Variants in BCAS3 observed in about 807,000 individuals in gnomAD.
The protein encoded by BCAS3 is BCAS3 microtubule associated cell migration factor, also known as BCAS4/BCAS3 fusion.
Under a neutral mutation model 116.1 loss-of-function variants are expected in BCAS3, and 53 were observed. That is an observed-to-expected ratio of 0.46 (90% confidence interval 0.37 to 0.57). The LOEUF is 0.57. BCAS3 is among the 20% of genes least tolerant of loss of function. The pLI, the probability that BCAS3 is intolerant of heterozygous loss-of-function variation, is 0.00. For synonymous variants in BCAS3, 391 were observed against 408.2 expected, an observed-to-expected ratio of 0.96 and a Z score of 0.51; for missense variants, 917 against 1,165.4, an observed-to-expected ratio of 0.79 and a Z score of 3.10.
chr17:60,907,123 G>T (rs1403814580), intron 11 of BCAS3, among the ~76,000 whole-genome samples: 1 of 151,940 alleles, frequency 6.6e-6, no homozygotes, highest in Non-Finnish European at 1.5e-5. Context: ...TACATTTTCT[G>T]CATTTCCAAA....
At chr17:61,358,500 A>T (rs61314797) in intron 22 of BCAS3, among the ~76,000 whole-genome samples, 9 of 130,896 alleles carry the variant, frequency 6.9e-5, no homozygotes, top group African/African-American at 5.7e-5. Flanking sequence ...CACGTTTTTA[A>T]TTTTTTTTTT....
At chr17:60,996,169 G>A (rs561020466) in intron 15 of BCAS3, among the ~76,000 whole-genome samples, 4 of 152,096 alleles carry the variant, frequency 2.6e-5, no homozygotes, top group Non-Finnish European at 4.4e-5. Flanking sequence ...GCTCTGGAGG[G>A]CATTGAGAAT....
chr17:61,037,637 TG>T lies in BCAS3; in HGVS notation c.1763-251del, dbSNP rs1332302380. ...AAATACAAAAATTAGCCGGGTGTGG[TG>T]ACAGGAGCCTGTAATCCCAGCTACT... is the stretch of plus-strand genomic sequence containing the variant. On this transcript the variant is annotated intron_variant, in intron 17 of 23. Transcript: ENST00000407086. The surrounding 1 kb of genome is among the most constrained non-coding windows in gnomAD (Gnocchi z 4.7). 3.9e-5 allele frequency among the ~76,000 whole-genome samples: 6 copies of T among 152,086 alleles called. No individual in the cohort carries two copies. The highest frequency in any genetic ancestry group is 1.4e-4 in the African/African-American group (6 of 41,388).
At position 60,850,767 on chromosome 17, in the gene BCAS3, A is replaced by G. The variant is rs188826947; in HGVS notation, c.477-17809A>G. Among the ~76,000 whole-genome samples, 5 of 152,214 alleles carry G rather than the reference A, an allele frequency of 3.3e-5. No homozygotes were observed. In the East Asian group the frequency reaches 9.7e-4, roughly 29 times the overall value. On this transcript the variant is annotated intron_variant, in intron 7 of 23. Coordinates refer to ENST00000407086, the MANE Select transcript of BCAS3 (RefSeq NM_017679.5). ...TCATTTCTTTTTGTTGCTGAATAATACTTTTATTAGCAACAAAGAATGAAA... is the reference window on the plus strand; with the variant it reads ...TCATTTCTTTTTGTTGCTGAATAATGCTTTTATTAGCAACAAAGAATGAAA...
chr17:61,368,562 T>G lies in BCAS3; in HGVS notation c.2593+68T>G. The G allele has an allele frequency of 6.8e-7, 1 of 1,477,374 alleles. No individual in the cohort carries two copies. Among genetic ancestry groups the G allele is most frequent in the Non-Finnish European group, 9.1e-7 (1 of 1,099,400 alleles). The allele number at this position is 1,477,374 out of a possible 1,614,324, so 91.5% of individuals were successfully genotyped here. Reference sequence around the variant, plus strand: ...AGCACCTGTTGGTGCAGAGCTTCTCTGGAATCGTTTGTGGGCATATGTTTG... The same window carrying G: ...AGCACCTGTTGGTGCAGAGCTTCTCGGGAATCGTTTGTGGGCATATGTTTG... On this transcript the variant is annotated intron_variant, in intron 23 of 23. Coordinates refer to ENST00000407086, the MANE Select transcript of BCAS3 (RefSeq NM_017679.5). This position sits in a 1 kb window ranked among gnomAD's most constrained non-coding sequence, Gnocchi z 6.0.
intron 14 of BCAS3, among the ~76,000 whole-genome samples, chr17:60,947,877 A>T (rs1278886379): frequency 1.3e-5 from 2 of 152,142 alleles, no homozygotes; most frequent in African/African-American, 4.8e-5. Flanking sequence ...ATTGCGTGAA[A>T]TCACCCATGT....
intron 11 of BCAS3, among the ~76,000 whole-genome samples, chr17:60,905,571 T>C (rs2058144954): frequency 6.6e-6 from 1 of 152,202 alleles, no homozygotes. Flanking sequence ...CCATTTCTCT[T>C]GTGTGTTGTT....
chr17:60,990,227 C>T lies in BCAS3; in HGVS notation c.1478C>T (p.Pro493Leu). 6.2e-7 allele frequency: 1 copy of T among 1,612,648 alleles called. No individual in the cohort carries two copies. The highest frequency in any genetic ancestry group is 8.5e-7 in the Non-Finnish European group (1 of 1,178,806). Residue 493 changes from proline (P) to leucine (L), a missense_variant, in exon 15 of 24, where the codon CCC becomes CTC. By Grantham distance (98) the Pro-to-Leu change is moderately conservative. This residue lies in a region of BCAS3 where 807 missense variants were observed against 1,026.0 expected (regional missense o/e 0.79). Coordinates refer to ENST00000407086, the MANE Select transcript of BCAS3 (RefSeq NM_017679.5). The surrounding 1 kb of genome is among the most constrained non-coding windows in gnomAD (Gnocchi z 5.1). ...PGLSSSPSGS[P>L]LHGKLNSQDS... ...CTATCAAGCAGCCCTTCTGGGTCAC[C>T]CTTGCATGGTAATTTTCTCTGTCTC...
chr17:61,353,156 T>A (rs2057951593), intron 22 of BCAS3, among the ~76,000 whole-genome samples: 1 of 152,194 alleles, frequency 6.6e-6, no homozygotes, highest in African/African-American at 2.4e-5. Flanking sequence ...CTCCTGCTTC[T>A]GTCACAGGCC....
At chr17:60,902,965 G>T (rs2057991944) in intron 11 of BCAS3, among the ~76,000 whole-genome samples, 1 of 152,120 alleles carries the variant, frequency 6.6e-6, no homozygotes, top group Non-Finnish European at 1.5e-5. Flanking sequence ...TTGCATCTTT[G>T]AACATTTCAG....
intron 22 of BCAS3, among the ~76,000 whole-genome samples, chr17:61,169,897 C>T (rs1464146141): frequency 1.3e-5 from 2 of 152,180 alleles, no homozygotes; most frequent in South Asian, 4.1e-4. Context: ...CACTGTCGCC[C>T]AGGCTGTAGT....
At position 61,020,069 on chromosome 17, in the gene BCAS3, A is replaced by G. The variant is rs775592396; in HGVS notation, c.1637+4168A>G. On this transcript the variant is annotated intron_variant, in intron 16 of 23. Transcript: ENST00000407086. The surrounding 1 kb of genome is among the most constrained non-coding windows in gnomAD (Gnocchi z 4.5). The stretch of plus-strand genomic sequence containing the variant: ...GGTTAGATAAGCTTCCACTTCATCT[A>G]TGTCCGAGGTATTTTGCACATGGTC... Among the ~76,000 whole-genome samples, 4 of 152,216 alleles carry G rather than the reference A, an allele frequency of 2.6e-5. No individual in the cohort carries two copies. The highest frequency in any genetic ancestry group is 4.8e-5 in the African/African-American group (2 of 41,452).
At chr17:60,820,249 A>G (rs879705702) in intron 7 of BCAS3, among the ~76,000 whole-genome samples, 4 of 151,972 alleles carry the variant, frequency 2.6e-5, no homozygotes, top group Non-Finnish European at 4.4e-5. Flanking sequence ...TTGTATTTTT[A>G]GTAGCCAGGA....
At chr17:60,689,333 A>G (rs2034507170) in intron 3 of BCAS3, among the ~76,000 whole-genome samples, 1 of 152,088 alleles carries the variant, frequency 6.6e-6, no homozygotes, top group African/African-American at 2.4e-5. Context: ...GCCACACCTC[A>G]CCCAGCTAAT....
chr17:61,374,453 G>A (rs1239235078), intron 23 of BCAS3, among the ~76,000 whole-genome samples: 1 of 152,248 alleles, frequency 6.6e-6, no homozygotes, highest in Non-Finnish European at 1.5e-5. Flanking sequence ...TTACAGGCAT[G>A]AGCCACTGCA....
At position 61,284,511 on chromosome 17, in the gene BCAS3, C is replaced by T. The variant is rs144502433; in HGVS notation, c.2426-83816C>T. On this transcript the variant is annotated intron_variant, in intron 22 of 23. Coordinates refer to ENST00000407086, the MANE Select transcript of BCAS3 (RefSeq NM_017679.5). ...AACTGTAACACTCATCGCGAGGGTC[C>T]GCGGCTGGTTCTTGAAATCAGCCAG... 2.2e-4 allele frequency among the ~76,000 whole-genome samples: 33 copies of T among 152,288 alleles called. No homozygotes were observed. In the East Asian group the frequency reaches 6.0e-3, roughly 28 times the overall value.
chr17:61,137,886 T>A (rs759020203), intron 22 of BCAS3, among the ~76,000 whole-genome samples: 2 of 152,248 alleles, frequency 1.3e-5, no homozygotes, highest in African/African-American at 4.8e-5. Flanking sequence ...ATTCGGTGTT[T>A]CCTTTGAGTC....
intron 22 of BCAS3, among the ~76,000 whole-genome samples, chr17:61,179,874 C>CTCT (rs1555765903): frequency 6.4e-5 from 8 of 124,526 alleles, no homozygotes; most frequent in Non-Finnish European, 1.1e-4. Flanking sequence ...CTCTCTCTCT[C>CTCT]TTTTTTTTTT....
chr17:61,295,336 C>T (rs955944180), intron 22 of BCAS3, among the ~76,000 whole-genome samples: 13 of 152,180 alleles, frequency 8.5e-5, no homozygotes, highest in African/African-American at 2.9e-4. Context: ...CGCAAAGAGG[C>T]GTTGGTGATG....
Sources: gnomAD v4.1 joint callset for allele counts (sites outside exome capture counted in the v4.1 genomes callset) on GRCh38, gnomAD v4.1.1 for gene constraint, gnomAD v4.1.1 regional missense constraint, Gnocchi (gnomAD v3.1) non-coding constraint, MANE v1.5 for transcripts, NCBI Gene and HGNC (gene_info 2026-07-23, HGNC 2026-07-21) for gene names.